The following CYP19A1 variants were observed in gnomAD, a reference collection of about 807,000 sequenced individuals.
CYP19A1 encodes the protein cytochrome P450 family 19 subfamily A member 1, also known as aromatase.
In CYP19A1, 32 loss-of-function variants were observed where a neutral mutation model predicts 44.4. The ratio of observed to expected loss-of-function variants is 0.72; its 90% CI spans 0.54 to 0.97. The LOEUF (loss-of-function observed/expected upper bound fraction) is 0.97, where lower values mean the gene tolerates loss of function less well. Ranked by LOEUF, CYP19A1 falls within the 50% of genes least tolerant of loss-of-function variation. The pLI, the probability that CYP19A1 is intolerant of heterozygous loss-of-function variation, is 0.00. For missense variants in CYP19A1, 598 were observed against 637.8 expected, an observed-to-expected ratio of 0.94 and a Z score of 0.67; for synonymous variants, 212 against 215.6, an observed-to-expected ratio of 0.98 and a Z score of 0.14.
At chr15:51,290,778 G>A (rs2035825388) in intron 1 of CYP19A1, among the ~76,000 whole-genome samples, 1 of 152,178 alleles carries the variant, frequency 6.6e-6, no homozygotes, top group Admixed American at 6.5e-5. Context: ...CTATACATAG[G>A]GGTTGAGATT....
At chr15:51,215,634 G>T (rs2031493920) in intron 7 of CYP19A1, 69 bp downstream of exon 7, 2 of 1,612,460 alleles carry the variant, frequency 1.2e-6, no homozygotes, top group Admixed American at 1.7e-5. Context: ...TACAAAAGGG[G>T]ATCTTTACAC....
intron 1 of CYP19A1, among the ~76,000 whole-genome samples, chr15:51,332,065 A>G (rs1317782188): frequency 6.6e-6 from 1 of 152,018 alleles, no homozygotes; most frequent in Non-Finnish European, 1.5e-5. Context: ...ATTGAATTTT[A>G]TTGCTTCTAT....
intron 1 of CYP19A1, among the ~76,000 whole-genome samples, chr15:51,301,522 G>A (rs2015142706): frequency 6.6e-6 from 1 of 152,180 alleles, no homozygotes; most frequent in African/African-American, 2.4e-5. Flanking sequence ...GGGGTCTTAG[G>A]ATTGGAGGCC....
chr15:51,266,420 A>G (rs888712861), intron 1 of CYP19A1, among the ~76,000 whole-genome samples: 3 of 152,164 alleles, frequency 2.0e-5, no homozygotes, highest in Non-Finnish European at 4.4e-5. Flanking sequence ...CGTCCTGCCT[A>G]TGGAAGGAGG....
At chr15:51,305,382 C>G (rs2141006226) in intron 1 of CYP19A1, among the ~76,000 whole-genome samples, 1 of 152,190 alleles carries the variant, frequency 6.6e-6, no homozygotes. Flanking sequence ...TTATGATTGT[C>G]TCAAAACTAA....
chr15:51,242,987 C>T, intron 1 of CYP19A1, 37 bp from the exon 2 acceptor site: 1 of 1,047,292 alleles, frequency 9.5e-7, no homozygotes. Flanking sequence ...TTACAGAATC[C>T]CCTAAAAGGT....
At chr15:51,285,825 C>G (rs1248417188) in intron 1 of CYP19A1, among the ~76,000 whole-genome samples, 1 of 152,212 alleles carries the variant, frequency 6.6e-6, no homozygotes, top group Non-Finnish European at 1.5e-5. Flanking sequence ...CGTTAGCCCA[C>G]TTGATCCGTT....
At chr15:51,247,441 CT>C (rs1368572031) in intron 1 of CYP19A1, among the ~76,000 whole-genome samples, 10 of 150,566 alleles carry the variant, frequency 6.6e-5, no homozygotes, top group East Asian at 2.0e-4. Flanking sequence ...CCTTCTCCCC[CT>C]GTCCTTACTT....
At chr15:51,268,962 G>A (rs1453910664) in intron 1 of CYP19A1, among the ~76,000 whole-genome samples, 1 of 152,030 alleles carries the variant, frequency 6.6e-6, no homozygotes, top group Non-Finnish European at 1.5e-5. Context: ...TCTGATACGT[G>A]TTGTTTTGAA....
intron 2 of CYP19A1, among the ~76,000 whole-genome samples, chr15:51,238,551 T>C (rs968739254): frequency 6.6e-6 from 1 of 152,178 alleles, no homozygotes; most frequent in African/African-American, 2.4e-5. Context: ...TGCAGGGACA[T>C]GATCTCGGCT....
At chr15:51,311,802 C>G (rs2036316132) in intron 1 of CYP19A1, among the ~76,000 whole-genome samples, 1 of 152,270 alleles carries the variant, frequency 6.6e-6, no homozygotes, top group East Asian at 1.9e-4. Flanking sequence ...GATTTTAACC[C>G]TGGCTCACTG....
intron 1 of CYP19A1, among the ~76,000 whole-genome samples, chr15:51,257,852 A>G (rs1237414560): frequency 2.0e-5 from 3 of 152,184 alleles, no homozygotes; most frequent in Non-Finnish European, 2.9e-5. Context: ...CACAATGGGC[A>G]TTTTGTGTGT....
chr15:51,318,302 C>G (rs760725177), intron 1 of CYP19A1: 1 of 152,218 alleles, frequency 6.6e-6, no homozygotes, highest in Non-Finnish European at 1.5e-5. Context: ...CAGTTGATAG[C>G]AAAGTGGAGA....
chr15:51,269,506 T>G (rs1396292219), intron 1 of CYP19A1, among the ~76,000 whole-genome samples: 2 of 152,110 alleles, frequency 1.3e-5, no homozygotes, highest in African/African-American at 2.4e-5. Context: ...TTAAATTACT[T>G]TATGGGGTTG....
intron 1 of CYP19A1, among the ~76,000 whole-genome samples, chr15:51,257,214 C>T (rs530402102): frequency 6.6e-6 from 1 of 152,288 alleles, no homozygotes; most frequent in African/African-American, 2.4e-5. Context: ...ACAATCAGAC[C>T]CATGAAGTAG....
intron 1 of CYP19A1, among the ~76,000 whole-genome samples, chr15:51,260,537 C>T (rs1297010030): frequency 6.6e-6 from 1 of 152,180 alleles, no homozygotes; most frequent in African/African-American, 2.4e-5. Context: ...GAGGTGGTGT[C>T]TCAGGCTATC....
At chr15:51,214,680 A>G (rs540784448) in intron 8 of CYP19A1, among the ~76,000 whole-genome samples, 1 of 152,232 alleles carries the variant, frequency 6.6e-6, no homozygotes, top group African/African-American at 2.4e-5. Context: ...TAAAATGGAC[A>G]AATCCAACCA....
chr15:51,289,975 T>G (rs533235514), intron 1 of CYP19A1, among the ~76,000 whole-genome samples: 2 of 152,164 alleles, frequency 1.3e-5, no homozygotes, highest in Admixed American at 6.5e-5. Context: ...ATGCCAAGCC[T>G]ACTACTGAGT....
chr15:51,299,922 C>A (rs772317174), intron 1 of CYP19A1, among the ~76,000 whole-genome samples: 1 of 152,144 alleles, frequency 6.6e-6, no homozygotes, highest in African/African-American at 2.4e-5. Context: ...TTGAGCTGAG[C>A]CAAGAGGAGA....
Sources: gnomAD v4.1 joint callset for allele counts (sites outside exome capture counted in the v4.1 genomes callset) on GRCh38, gnomAD v4.1.1 for gene constraint, MANE v1.5 for transcripts, NCBI Gene and HGNC (gene_info 2026-07-23, HGNC 2026-07-21) for gene names.